Variants in NRXN1 observed in about 807,000 individuals in gnomAD.
NRXN1 encodes neurexin-1.
A neutral mutation model predicts 150.9 loss-of-function variants in NRXN1; 39 were observed. The observed-to-expected ratio is 0.26, with a 90% CI of 0.20 to 0.34. The LOEUF is 0.34. NRXN1 is among the 10% of genes least tolerant of loss of function. The pLI is 1.00. For missense variants in NRXN1, 1,815 were observed against 1,949.9 expected, an observed-to-expected ratio of 0.93 and a Z score of 1.30; for synonymous variants, 924 against 757.0, an observed-to-expected ratio of 1.22 and a Z score of -3.62.
intron 18 of NRXN1, among the ~76,000 whole-genome samples, chr2:50,198,827 A>T (rs945760414): frequency 6.6e-6 from 1 of 151,874 alleles, no homozygotes; most frequent in Non-Finnish European, 1.5e-5. Context: ...CTTCTGAAGA[A>T]CCCCCTTGGG....
intron 17 of NRXN1, among the ~76,000 whole-genome samples, chr2:50,399,520 AGAGCTTTTATAAG>A (rs2082258904): frequency 1.3e-5 from 2 of 152,032 alleles, no homozygotes; most frequent in South Asian, 4.1e-4. Context: ...TCCTATTGGG[AGAGCTTTTATAAG>A]GAAGCACAGG....
chr2:50,925,328 A>G (rs1686701216), intron 3 of NRXN1, among the ~76,000 whole-genome samples: 1 of 151,920 alleles, frequency 6.6e-6, no homozygotes, highest in African/African-American at 2.4e-5. Flanking sequence ...AATTTTTTAT[A>G]AAAGACTGAA....
intron 5 of NRXN1, among the ~76,000 whole-genome samples, chr2:50,888,478 T>A (rs1032227242): frequency 2.0e-5 from 3 of 151,522 alleles, no homozygotes; most frequent in Admixed American, 6.6e-5. Flanking sequence ...ATTAGCCAAG[T>A]AACCTGGAGA....
intron 8 of NRXN1, among the ~76,000 whole-genome samples, chr2:50,564,545 G>C (rs1193956773): frequency 2.0e-5 from 3 of 151,928 alleles, no homozygotes; most frequent in Non-Finnish European, 4.4e-5. Context: ...ATTTATTAAA[G>C]GCATATAAAT....
Position 50,986,740 on chromosome 2 carries a change from A to AT in NRXN1, c.772+40761dup, listed in dbSNP as rs11356752. Among the ~76,000 whole-genome samples, 7 of 151,100 alleles carry AT rather than the reference A, an allele frequency of 4.6e-5. No individual in the cohort carries two copies. The East Asian group carries it at 7.8e-4, about 17-fold the overall frequency. On this transcript the variant is annotated intron_variant, in intron 2 of 22. Coordinates refer to ENST00000401669, the MANE Select transcript of NRXN1 (RefSeq NM_001330078.2). ...ATAAATATAATTGCCAAATATTCAT[A>AT]TTTTTTTTCCAAAAAATCGAGATAG...
At chr2:50,418,086 A>G (rs937227372) in intron 17 of NRXN1, among the ~76,000 whole-genome samples, 1 of 152,030 alleles carries the variant, frequency 6.6e-6, no homozygotes, top group Admixed American at 6.6e-5. Flanking sequence ...GAACCAGGGT[A>G]GAAGCTGGAG....
chr2:50,490,655 G>C (rs940313894), intron 15 of NRXN1, among the ~76,000 whole-genome samples: 2 of 152,188 alleles, frequency 1.3e-5, no homozygotes, highest in Non-Finnish European at 2.9e-5. Flanking sequence ...GAAGCCAGCA[G>C]GCAGAGAGGA....
intron 12 of NRXN1, 62 bp downstream of exon 12, chr2:50,528,563 T>C: frequency 1.0e-6 from 1 of 955,642 alleles, no homozygotes; most frequent in Non-Finnish European, 1.6e-6. Context: ...TCTCTCTTTT[T>C]CTTGACTAGC....
intron 2 of NRXN1, among the ~76,000 whole-genome samples, chr2:51,001,672 C>A (rs1700096805): frequency 1.3e-5 from 2 of 151,976 alleles, no homozygotes; most frequent in Non-Finnish European, 2.9e-5. Context: ...TCCCACAATT[C>A]ACGCTATTTT....
chr2:49,958,466 A>T (rs1675360496), intron 21 of NRXN1, among the ~76,000 whole-genome samples: 2 of 152,220 alleles, frequency 1.3e-5, no homozygotes, highest in South Asian at 2.1e-4. Context: ...TGCAGTTGTT[A>T]TCACGCCTCT....
chr2:50,590,460 T>C (rs10198091), intron 8 of NRXN1, among the ~76,000 whole-genome samples: 2 of 151,556 alleles, frequency 1.3e-5, no homozygotes, highest in African/African-American at 4.9e-5. Context: ...TTAATACCTT[T>C]ATATACCTAA....
intron 5 of NRXN1, among the ~76,000 whole-genome samples, chr2:50,655,545 T>C (rs1347335994): frequency 3.9e-5 from 6 of 152,006 alleles, no homozygotes; most frequent in East Asian, 3.9e-4. Flanking sequence ...TTTTTGTTAA[T>C]TGTTAAAAAG....
intron 21 of NRXN1, among the ~76,000 whole-genome samples, chr2:49,991,342 T>C (rs1254603364): frequency 1.3e-5 from 2 of 152,084 alleles, no homozygotes; most frequent in Admixed American, 6.5e-5. Flanking sequence ...GAAAGAATCA[T>C]AAAAACCTCC....
chr2:50,505,714 TTC>T (rs1227752851), intron 13 of NRXN1, among the ~76,000 whole-genome samples: 1 of 152,148 alleles, frequency 6.6e-6, no homozygotes, highest in African/African-American at 2.4e-5. Context: ...CAGTTGACTG[TTC>T]TCTGGGCATG....
chr2:50,384,672 T>G (rs1157625366), intron 17 of NRXN1, among the ~76,000 whole-genome samples: 1 of 152,160 alleles, frequency 6.6e-6, no homozygotes, highest in African/African-American at 2.4e-5. Flanking sequence ...ACTTGGAAAC[T>G]CCACTTAATG....
At chr2:50,805,123 T>C (rs908073134) in intron 5 of NRXN1, among the ~76,000 whole-genome samples, 2 of 152,108 alleles carry the variant, frequency 1.3e-5, no homozygotes, top group African/African-American at 4.8e-5. Context: ...GTTGGTAATA[T>C]ATGTGTTAGC....
intron 5 of NRXN1, among the ~76,000 whole-genome samples, chr2:50,778,251 AAAG>A (rs1337320286): frequency 6.6e-6 from 1 of 152,166 alleles, no homozygotes; most frequent in Non-Finnish European, 1.5e-5. Context: ...GACAAAATGA[AAAG>A]AAGATGAAAT....
At chr2:50,496,592 A>G (rs1014682405) in intron 14 of NRXN1, among the ~76,000 whole-genome samples, 2 of 152,164 alleles carry the variant, frequency 1.3e-5, no homozygotes, top group East Asian at 3.9e-4. Flanking sequence ...TTTGAATGTG[A>G]TCACCTCAAG....
At chr2:50,939,133 C>T (rs1688994879) in intron 2 of NRXN1, among the ~76,000 whole-genome samples, 1 of 145,182 alleles carries the variant, frequency 6.9e-6, no homozygotes, top group South Asian at 2.2e-4. Flanking sequence ...ATGGCATGAA[C>T]CTGGGAGGCA....
Sources: gnomAD v4.1 joint callset for allele counts (sites outside exome capture counted in the v4.1 genomes callset) on GRCh38, gnomAD v4.1.1 for gene constraint, MANE v1.5 for transcripts, NCBI Gene and HGNC (gene_info 2026-07-23, HGNC 2026-07-21) for gene names.